Variants in ATP13A4 observed in about 807,000 individuals in gnomAD.
ATP13A4 encodes the protein probable cation-transporting ATPase 13A4.
In ATP13A4, 114 loss-of-function variants were observed where a neutral mutation model predicts 142.5. The ratio of observed to expected loss-of-function variants is 0.80; its 90% CI spans 0.69 to 0.93. The LOEUF (loss-of-function observed/expected upper bound fraction) is 0.93. ATP13A4 is among the 40% of genes least tolerant of loss of function. ATP13A4 has a pLI of 0.00. For synonymous variants in ATP13A4, 488 were observed against 514.8 expected (o/e 0.95, Z 0.70); for missense variants, 1,392 against 1,454.0 (o/e 0.96, Z 0.69).
At chr3:193,565,149 C>G (rs1205541675) in intron 2 of ATP13A4, among the ~76,000 whole-genome samples, 2 of 152,098 alleles carry the variant, frequency 1.3e-5, no homozygotes, top group Non-Finnish European at 2.9e-5. Flanking sequence ...ATCCTGAAAC[C>G]ACCGCCCCCG....
At position 193,573,276 on chromosome 3, in the gene ATP13A4, C is replaced by CTTATATATATATGTAT. The variant is rs745558107; in HGVS notation, n.291+8430_291+8431insATACATATATATATAA. Reference sequence around the variant, plus strand: ...TACCACAGCCATATATATATATATACATATATATATATACACATATATATA... The same window carrying CTTATATATATATGTAT: ...TACCACAGCCATATATATATATATACTTATATATATATGTATATATATATATATACACATATATATA... On this transcript the variant is annotated intron_variant and non_coding_transcript_variant, in intron 2 of 3. Transcript: ENST00000489140. Among the ~76,000 whole-genome samples the CTTATATATATATGTAT allele has an allele frequency of 2.6e-5, 2 of 77,842 alleles. 1 individual carries two copies. Among genetic ancestry groups the CTTATATATATATGTAT allele is most frequent in the African/African-American group, 1.3e-4 (2 of 15,618 alleles). The allele number at this position is 77,842 out of a possible 152,430, so 51.1% of individuals were successfully genotyped here. A position where few individuals can be genotyped will look rare whatever the true frequency, so the allele number is the denominator to read the frequency against.
chr3:193,518,478 C>T (rs577842306), intron 1 of ATP13A4, among the ~76,000 whole-genome samples: 1 of 152,260 alleles, frequency 6.6e-6, no homozygotes, highest in East Asian at 1.9e-4. Context: ...ATGATGAACA[C>T]ATGATTTAGT....
At chr3:193,417,582 T>G (rs575352129) in intron 25 of ATP13A4, among the ~76,000 whole-genome samples, 1 of 152,328 alleles carries the variant, frequency 6.6e-6, no homozygotes, top group South Asian at 2.1e-4. Flanking sequence ...AACATCATAC[T>G]CAAGGGTAAA....
chr3:193,583,426 C>T (rs11920821), intron 1 of ATP13A4, among the ~76,000 whole-genome samples: 78,918 of 151,002 alleles, frequency 0.52, 21,259 homozygotes, highest in African/African-American at 0.65. Context: ...GACTCCATCT[C>T]GAAAAACAAA....
intron 2 of ATP13A4, among the ~76,000 whole-genome samples, chr3:193,560,506 C>A (rs1344308872): frequency 6.6e-6 from 1 of 152,162 alleles, no homozygotes; most frequent in African/African-American, 2.4e-5. Context: ...CCATGCCCGG[C>A]TGCTACTCAC....
rs555878085 is a variant in ATP13A4 at position 193,418,500 on chromosome 3, G to C, written c.2843-3750C>G. 1.1e-3 allele frequency among the ~76,000 whole-genome samples: 170 copies of C among 149,444 alleles called. 11 individuals carry two copies. Among genetic ancestry groups the C allele is most frequent in the African/African-American group, 3.7e-3 (150 of 40,602 alleles). On this transcript the variant is annotated intron_variant, in intron 25 of 29. Coordinates refer to ENST00000342695, the MANE Select transcript of ATP13A4 (RefSeq NM_032279.4). ...AAACCCTGTAGAGCACAGAAAACCAGTATGGCCACATACTGGTTTCTATTA... is the reference window on the plus strand; with the variant it reads ...AAACCCTGTAGAGCACAGAAAACCACTATGGCCACATACTGGTTTCTATTA...
chr3:193,507,381 T>C (rs908127012), intron 2 of ATP13A4, among the ~76,000 whole-genome samples: 1 of 152,166 alleles, frequency 6.6e-6, no homozygotes, highest in South Asian at 2.1e-4. Context: ...TTGATGCTCT[T>C]AACATCCCGA....
In ATP13A4 at chr3:193,492,948, A is replaced by G; in HGVS notation, c.502T>C (p.Ser168Pro). ...SSAKIHQKFG[S>P]GLTREEQEIR... ...TCCTGTTCTTCTCTTGTCAAGCCTG[A>G]TCCAAATTTTTGATGTATCTTGGCA... The change falls in exon 5 of 30, where the codon TCA becomes CCA. Residue 168 changes from serine to proline, a missense_variant. Ser to Pro is a moderately conservative substitution (Grantham distance 74). Transcript: ENST00000342695. 1.2e-6 allele frequency: 2 copies of G among 1,611,122 alleles called. No individual in the cohort carries two copies. The highest frequency in any genetic ancestry group is 1.7e-6 in the Non-Finnish European group (2 of 1,177,968).
Position 193,579,399 on chromosome 3 carries a change from C to T in ATP13A4, n.291+2308G>A, listed in dbSNP as rs567761319. ...CAATGGTGACAATGTTGATATGAGT[C>T]TTTTTCTTTCCCATTTTGGCTTTTA... On this transcript the variant is annotated intron_variant and non_coding_transcript_variant, in intron 2 of 3. Transcript: ENST00000489140. 4.3e-5 allele frequency: 9 copies of T among 210,142 alleles called. No homozygotes were observed. In the South Asian group the frequency reaches 9.6e-4, roughly 22 times the overall value. The allele number at this position is 210,142 out of a possible 1,614,324, so 13.0% of individuals were successfully genotyped here.
At chr3:193,555,025 C>G (rs1723830685), upstream of ATP13A4, 5 of 1,099,842 alleles carry the variant, frequency 4.5e-6, no homozygotes, top group East Asian at 1.4e-4. Context: ...GCTGGCTGCT[C>G]CCTGCTTATT....
chr3:193,480,485 C>G (rs999127639), intron 8 of ATP13A4, among the ~76,000 whole-genome samples: 5 of 152,044 alleles, frequency 3.3e-5, no homozygotes, highest in African/African-American at 1.2e-4. Flanking sequence ...ATAGACAACT[C>G]TTGAAAGAAG....
At chr3:193,410,835 A>G in intron 28 of ATP13A4, 147 bp downstream of exon 28, 2 of 614,216 alleles carry the variant, frequency 3.3e-6, no homozygotes, top group Non-Finnish European at 5.8e-6. Context: ...TAAAAAATAT[A>G]GATAAATTTA....
At chr3:193,590,885 T>C (rs1252793206) in intron 1 of ATP13A4, among the ~76,000 whole-genome samples, 4 of 152,238 alleles carry the variant, frequency 2.6e-5, no homozygotes, top group Non-Finnish European at 5.9e-5. Context: ...TGAAGGAGTG[T>C]GAACTACCGG....
chr3:193,573,308 C>CGTATATATATATATATTCTTATATATAT (rs1229145689), intron 2 of ATP13A4, among the ~76,000 whole-genome samples: 2,220 of 103,516 alleles, frequency 0.021, 162 homozygotes, highest in African/African-American at 0.065. Flanking sequence ...TATATATATA[C>CGTATATATATATATATTCTTATATATAT]ATATATATAT....
chr3:193,587,544 C>A (rs897319879), intron 1 of ATP13A4, among the ~76,000 whole-genome samples: 3 of 152,156 alleles, frequency 2.0e-5, no homozygotes, highest in African/African-American at 4.8e-5. Flanking sequence ...AGGTAACATT[C>A]ACAAGTTCCA....
At chr3:193,503,041 G>C (rs902940133) in intron 2 of ATP13A4, among the ~76,000 whole-genome samples, 16 of 152,124 alleles carry the variant, frequency 1.1e-4, no homozygotes, top group African/African-American at 2.4e-5. Flanking sequence ...GCGGGGCAGG[G>C]GGGGGAACTA....
In ATP13A4 at chr3:193,418,047, G is replaced by A. The variant is rs1166080133; in HGVS notation, c.2843-3297C>T. Among the ~76,000 whole-genome samples the A allele has an allele frequency of 4.8e-4, 55 of 115,604 alleles. 1 individual carries two copies. Among genetic ancestry groups the A allele is most frequent in the South Asian group, 3.0e-3 (10 of 3,300 alleles). 75.8% of individuals were successfully genotyped at this position (115,604 alleles called of 152,430 possible). A position where few individuals can be genotyped will look rare whatever the true frequency, so the allele number is the denominator to read the frequency against. On this transcript the variant is annotated intron_variant, in intron 25 of 29. Transcript: ENST00000342695. ...TGAGGCAGGAGAATGGCGTGAACCCGGGAGGCAGAGCTTGCAGTGAGCCGA... is the reference window on the plus strand; with the variant it reads ...TGAGGCAGGAGAATGGCGTGAACCCAGGAGGCAGAGCTTGCAGTGAGCCGA...
At chr3:193,549,921 A>G (rs1723450088) in intron 1 of ATP13A4, among the ~76,000 whole-genome samples, 1 of 152,232 alleles carries the variant, frequency 6.6e-6, no homozygotes, top group Admixed American at 6.5e-5. Flanking sequence ...TTGTTTTGCC[A>G]TGATGCAAAC....
At chr3:193,407,174 T>C (rs1714539383) in intron 29 of ATP13A4, 139 bp downstream of exon 29, 2 of 724,034 alleles carry the variant, frequency 2.8e-6, no homozygotes, top group African/African-American at 3.5e-5. Flanking sequence ...GCACCATTGC[T>C]TATACTGTGA....
Sources: gnomAD v4.1 joint callset for allele counts (sites outside exome capture counted in the v4.1 genomes callset) on GRCh38, gnomAD v4.1.1 for gene constraint, MANE v1.5 for transcripts, NCBI Gene and HGNC (gene_info 2026-07-23, HGNC 2026-07-21) for gene names.